Variants in MYO16 observed in about 807,000 individuals in gnomAD.
The protein encoded by MYO16 is myosin XVI.
MYO16 carries 94 observed loss-of-function variants against 205.3 expected under a neutral mutation model. The observed-to-expected ratio is 0.46, with a 90% CI of 0.39 to 0.54. The LOEUF is 0.54. MYO16 is among the 20% of genes least tolerant of loss of function. The pLI is 0.00. For missense variants in MYO16, 2,315 were observed against 2,387.5 expected (o/e 0.97, Z 0.63); for synonymous variants, 988 against 954.0 (o/e 1.04, Z -0.66).
At chr13:109,037,242 C>G (rs901725600) in intron 23 of MYO16, among the ~76,000 whole-genome samples, 3 of 152,212 alleles carry the variant, frequency 2.0e-5, no homozygotes, top group Non-Finnish European at 4.4e-5. Flanking sequence ...TTTGTTTCTT[C>G]TCTATGCGAA....
At chr13:109,151,150 C>T (rs1391489827) in intron 32 of MYO16, among the ~76,000 whole-genome samples, 2 of 151,958 alleles carry the variant, frequency 1.3e-5, no homozygotes, top group East Asian at 1.9e-4. Flanking sequence ...ATGATTAATC[C>T]CCAGATTAGC....
At chr13:108,930,631 A>G (rs1882215110) in intron 16 of MYO16, among the ~76,000 whole-genome samples, 1 of 152,302 alleles carries the variant, frequency 6.6e-6, no homozygotes, top group African/African-American at 2.4e-5. Context: ...AAATTATGCT[A>G]AGTTCCCAAG....
intron 27 of MYO16, among the ~76,000 whole-genome samples, chr13:109,093,860 G>A (rs1330725413): frequency 1.3e-5 from 2 of 151,952 alleles, no homozygotes; most frequent in Admixed American, 6.6e-5. Context: ...TCACAGTATC[G>A]ATGATGATTT....
intron 27 of MYO16, among the ~76,000 whole-genome samples, chr13:109,071,375 A>C (rs1411488110): frequency 4.6e-5 from 7 of 152,310 alleles, no homozygotes; most frequent in African/African-American, 1.7e-4. Context: ...ATGCTATTAC[A>C]AAGTGTCCTG....
chr13:108,832,124 T>G (rs1876652905), intron 9 of MYO16, among the ~76,000 whole-genome samples: 1 of 149,382 alleles, frequency 6.7e-6, no homozygotes, highest in Admixed American at 6.9e-5. Context: ...CTTTCCAGTG[T>G]ATTTCAATGT....
chr13:108,760,237 A>G (rs1885560716), intron 4 of MYO16, among the ~76,000 whole-genome samples: 1 of 152,246 alleles, frequency 6.6e-6, no homozygotes, highest in East Asian at 1.9e-4. Context: ...GCAGCAATTT[A>G]GGCTGGACCT....
the MYO16 span, among the ~76,000 whole-genome samples, chr13:108,550,288 C>T: frequency 6.6e-6 from 1 of 152,242 alleles, no homozygotes; most frequent in Non-Finnish European, 1.5e-5. Context: ...TTGCAATTGT[C>T]TGGTAGTCCT....
At chr13:108,704,231 CA>C (rs1375216488) in intron 2 of MYO16, among the ~76,000 whole-genome samples, 10 of 151,938 alleles carry the variant, frequency 6.6e-5, no homozygotes, top group Admixed American at 4.6e-4. Flanking sequence ...ACCAATGTAT[CA>C]AAAAATGAAT....
intron 27 of MYO16, among the ~76,000 whole-genome samples, chr13:109,094,768 G>A (rs1453245233): frequency 1.3e-5 from 2 of 152,056 alleles, no homozygotes; most frequent in African/African-American, 2.4e-5. Context: ...CTGTTCCTTT[G>A]TTAGTTTGCT....
At chr13:109,174,901 G>A (rs977843685) in intron 33 of MYO16, among the ~76,000 whole-genome samples, 2 of 148,658 alleles carry the variant, frequency 1.3e-5, no homozygotes, top group African/African-American at 4.9e-5. Flanking sequence ...ACAGGCGCAT[G>A]CCACCACATT....
intron 12 of MYO16, among the ~76,000 whole-genome samples, chr13:108,878,855 C>T (rs1049887370): frequency 5.9e-5 from 9 of 152,250 alleles, no homozygotes; most frequent in Non-Finnish European, 8.8e-5. Context: ...CACCCCGTCA[C>T]ACATCCTGCG....
chr13:109,023,439 A>C (rs867175290), intron 23 of MYO16, among the ~76,000 whole-genome samples: 1,283 of 90,924 alleles, frequency 0.014, 51 homozygotes, highest in Middle Eastern at 0.045. Flanking sequence ...TTTATATATT[A>C]TACAGATATA....
intron 4 of MYO16, among the ~76,000 whole-genome samples, chr13:108,753,902 A>G (rs562621997): frequency 6.6e-6 from 1 of 152,370 alleles, no homozygotes; most frequent in Admixed American, 6.5e-5. Context: ...GATTTGGCTG[A>G]TCTCAGACAG....
At chr13:109,093,023 T>G (rs529523228) in intron 27 of MYO16, among the ~76,000 whole-genome samples, 2 of 152,078 alleles carry the variant, frequency 1.3e-5, no homozygotes, top group African/African-American at 2.4e-5. Flanking sequence ...ATGATTTCTG[T>G]TTTTTTTAGT....
At chr13:108,718,626 G>T (rs931760090) in intron 3 of MYO16, among the ~76,000 whole-genome samples, 5 of 152,016 alleles carry the variant, frequency 3.3e-5, no homozygotes, top group Non-Finnish European at 5.9e-5. Flanking sequence ...GCGCTGCAGG[G>T]TGCTGCCTGT....
chr13:109,194,427 A>G (rs377506524), intron 34 of MYO16, among the ~76,000 whole-genome samples: 1 of 152,198 alleles, frequency 6.6e-6, no homozygotes, highest in East Asian at 1.9e-4. Flanking sequence ...AATGAAGATA[A>G]TGATATTGAA....
intron 4 of MYO16, among the ~76,000 whole-genome samples, chr13:108,742,422 A>T (rs1289026512): frequency 6.6e-6 from 1 of 152,136 alleles, no homozygotes; most frequent in African/African-American, 2.4e-5. Context: ...GTACTCAGTT[A>T]TATGATTATA....
At position 109,140,434 on chromosome 13, in the gene MYO16, G is replaced by C. The variant is rs780815582; in HGVS notation, c.4222G>C (p.Val1408Leu). 6.4e-7 allele frequency: 1 copy of C among 1,560,598 alleles called. No individual in the cohort carries two copies. The highest frequency in any genetic ancestry group is 8.6e-7 in the Non-Finnish European group (1 of 1,160,220). The change falls in exon 32 of 35, where the codon GTT becomes CTT. Residue 1408 changes from valine (V) to leucine (L), a missense_variant. Transcript: ENST00000457511. This position sits in a 1 kb window ranked among gnomAD's most constrained non-coding sequence, Gnocchi z 8.0. Reference sequence around the variant, plus strand: ...GGGCGCCCCGGGGGCAGCAGCGCGCGTTCTGACCCCCGGGACTCCGCAGTG... The same window carrying C: ...GGGCGCCCCGGGGGCAGCAGCGCGCCTTCTGACCCCCGGGACTCCGCAGTG... ...PAGAPGAAARVLTPGTPQCAL... is the reference protein window; with the variant it reads ...PAGAPGAAARLLTPGTPQCAL...
intron 23 of MYO16, among the ~76,000 whole-genome samples, chr13:109,031,939 C>T (rs186603771): frequency 1.3e-5 from 2 of 152,278 alleles, no homozygotes; most frequent in Non-Finnish European, 2.9e-5. Context: ...ACTGCCTAGA[C>T]ATTGTACGGT....
Sources: gnomAD v4.1 joint callset for allele counts (sites outside exome capture counted in the v4.1 genomes callset) on GRCh38, gnomAD v4.1.1 for gene constraint, Gnocchi (gnomAD v3.1) non-coding constraint, MANE v1.5 for transcripts, NCBI Gene and HGNC (gene_info 2026-07-23, HGNC 2026-07-21) for gene names.